The following NELL2 variants were observed in gnomAD, a reference collection of about 807,000 sequenced individuals.
The protein encoded by NELL2 is protein kinase C-binding protein NELL2.
A neutral mutation model predicts 109.6 loss-of-function variants in NELL2; 41 were observed. That is an observed-to-expected ratio of 0.37 (90% CI 0.29 to 0.49). The LOEUF (loss-of-function observed/expected upper bound fraction) is 0.49, where lower values mean the gene tolerates loss of function less well. NELL2 is among the 20% of genes least tolerant of loss of function. The probability of loss-of-function intolerance (pLI) is 0.98; values close to 1 mark genes in which losing one functional copy is unlikely to be tolerated. For synonymous variants in NELL2, 355 were observed against 344.7 expected, an observed-to-expected ratio of 1.03 and a Z score of -0.33; for missense variants, 900 against 1,008.3, an observed-to-expected ratio of 0.89 and a Z score of 1.45.
chr12:44,871,403 T>C (rs1450232801), intron 2 of NELL2, among the ~76,000 whole-genome samples: 3 of 152,192 alleles, frequency 2.0e-5, no homozygotes, highest in Admixed American at 2.0e-4. Flanking sequence ...AGTATGCTAG[T>C]TTCCCAAAAA....
chr12:44,632,626 C>T (rs1161282422), intron 13 of NELL2, among the ~76,000 whole-genome samples: 4 of 151,720 alleles, frequency 2.6e-5, no homozygotes, highest in Non-Finnish European at 5.9e-5. Flanking sequence ...CACCTCCCTT[C>T]GGAAGCCAAA....
intron 2 of NELL2, among the ~76,000 whole-genome samples, chr12:44,825,671 C>T (rs985874122): frequency 2.0e-5 from 3 of 148,040 alleles, no homozygotes; most frequent in Non-Finnish European, 3.0e-5. Flanking sequence ...GCTGGGATTA[C>T]AGGCATGAGC....
Position 44,818,725 on chromosome 12 carries a change from A to ATTTTTTTTTTTTTTT in NELL2, c.185-2590_185-2589insAAAAAAAAAAAAAAA, listed in dbSNP as rs1409987918. On this transcript the variant is annotated intron_variant, in intron 2 of 19. Transcript: ENST00000429094. Reference sequence around the variant, plus strand: ...CTGAGAGGCTATATTTTGTTCACTTATTTTTTTTTTTTTATTTTTTTTTTT... The same window carrying ATTTTTTTTTTTTTTT: ...CTGAGAGGCTATATTTTGTTCACTTATTTTTTTTTTTTTTTTTTTTTTTTTTTTATTTTTTTTTTT... 5.5e-5 allele frequency among the ~76,000 whole-genome samples: 4 copies of ATTTTTTTTTTTTTTT among 72,146 alleles called. 2 individuals are homozygous for ATTTTTTTTTTTTTTT. The highest frequency in any genetic ancestry group is 5.1e-5 in the Non-Finnish European group (2 of 39,390). 47.3% of individuals were successfully genotyped at this position (72,146 alleles called of 152,430 possible).
At chr12:44,875,737 G>T in intron 1 of NELL2, 78 bp downstream of exon 1, 6 of 1,609,752 alleles carry the variant, frequency 3.7e-6, no homozygotes, top group South Asian at 1.1e-5. Flanking sequence ...CGGGAAAAGC[G>T]AGGCTTCCCC....
At chr12:44,785,279 C>CA in intron 3 of NELL2, among the ~76,000 whole-genome samples, 1 of 152,268 alleles carries the variant, frequency 6.6e-6, no homozygotes, top group South Asian at 2.1e-4. Context: ...CTTCCATTCA[C>CA]AATTGCTACA....
chr12:44,738,095 T>C (rs1021389775), intron 9 of NELL2, among the ~76,000 whole-genome samples: 5 of 152,198 alleles, frequency 3.3e-5, no homozygotes, highest in Admixed American at 2.0e-4. Flanking sequence ...CTCTGCTCTA[T>C]GAACCCACAG....
chr12:44,726,051 T>C (rs984084542), intron 9 of NELL2, among the ~76,000 whole-genome samples: 17 of 152,046 alleles, frequency 1.1e-4, no homozygotes, highest in African/African-American at 4.1e-4. Flanking sequence ...CACTGAGAAA[T>C]ATTATTAAAA....
intron 2 of NELL2, among the ~76,000 whole-genome samples, chr12:44,819,758 G>A (rs1943478708): frequency 6.6e-6 from 1 of 152,146 alleles, no homozygotes; most frequent in African/African-American, 2.4e-5. Flanking sequence ...CTATGGGGAT[G>A]GGATGGCTTG....
At chr12:44,837,484 A>T (rs938278944) in intron 2 of NELL2, among the ~76,000 whole-genome samples, 2 of 152,154 alleles carry the variant, frequency 1.3e-5, no homozygotes, top group African/African-American at 4.8e-5. Flanking sequence ...ACTTGAGCCC[A>T]GGTAGTCTAC....
At chr12:44,681,769 G>A (rs370071741) in intron 12 of NELL2, among the ~76,000 whole-genome samples, 6 of 151,944 alleles carry the variant, frequency 3.9e-5, no homozygotes, top group Admixed American at 2.0e-4. Context: ...ATGGCTGCAT[G>A]GTATTCCATG....
chr12:44,660,475 T>C (rs909196475), intron 13 of NELL2, among the ~76,000 whole-genome samples: 1 of 152,206 alleles, frequency 6.6e-6, no homozygotes, highest in Non-Finnish European at 1.5e-5. Flanking sequence ...GGATGTTTAG[T>C]TGCATCCCTG....
chr12:44,687,147 G>T (rs113262601), intron 12 of NELL2, among the ~76,000 whole-genome samples: 1 of 152,304 alleles, frequency 6.6e-6, no homozygotes, highest in African/African-American at 2.4e-5. Flanking sequence ...CGCAGTATTC[G>T]GGTGGGAGTG....
At chr12:44,785,674 A>C (rs1255430089) in intron 3 of NELL2, among the ~76,000 whole-genome samples, 1 of 152,212 alleles carries the variant, frequency 6.6e-6, no homozygotes, top group Non-Finnish European at 1.5e-5. Flanking sequence ...CTGGTACCAA[A>C]ACAGATATAT....
At chr12:44,717,632 T>A (rs1938559325) in intron 9 of NELL2, among the ~76,000 whole-genome samples, 2 of 152,182 alleles carry the variant, frequency 1.3e-5, no homozygotes, top group East Asian at 1.9e-4. Context: ...GGGATCATCA[T>A]TACCCTAAGG....
In NELL2 at chr12:44,515,471, A is replaced by G. The variant is rs1186955526; in HGVS notation, c.2400+4534T>C. Reference sequence around the variant, plus strand: ...TTATAACAGGCAAAATGAATTTATTACAAAGAAATAAAATTAAGGTTGTCT... The same window carrying G: ...TTATAACAGGCAAAATGAATTTATTGCAAAGAAATAAAATTAAGGTTGTCT... On this transcript the variant is annotated intron_variant, in intron 19 of 19. Transcript: ENST00000429094. 2.6e-5 allele frequency among the ~76,000 whole-genome samples: 4 copies of G among 151,972 alleles called. No individual in the cohort carries two copies. In the East Asian group the frequency reaches 7.7e-4, roughly 29 times the overall value.
At chr12:44,566,630 C>A (rs1943670728) in intron 15 of NELL2, among the ~76,000 whole-genome samples, 2 of 151,778 alleles carry the variant, frequency 1.3e-5, no homozygotes, top group Non-Finnish European at 2.9e-5. Context: ...TGGGGGCTGA[C>A]CTGTAGCTGT....
chr12:44,692,319 A>G (rs1948925044), intron 12 of NELL2, among the ~76,000 whole-genome samples: 1 of 152,184 alleles, frequency 6.6e-6, no homozygotes, highest in Non-Finnish European at 1.5e-5. Context: ...ACGTTTTACT[A>G]AAGATTTAAA....
intron 1 of NELL2, among the ~76,000 whole-genome samples, chr12:44,919,900 A>C (rs1289595996): frequency 6.6e-6 from 1 of 152,238 alleles, no homozygotes; most frequent in Non-Finnish European, 1.5e-5. Flanking sequence ...CCAAAGGAAA[A>C]CATGCAAAAA....
chr12:44,580,384 T>C (rs1944278232), intron 15 of NELL2, among the ~76,000 whole-genome samples: 1 of 152,076 alleles, frequency 6.6e-6, no homozygotes, highest in South Asian at 2.1e-4. Context: ...CAGAAAAGCA[T>C]CACAGAAGTG....
Sources: gnomAD v4.1 joint callset for allele counts (sites outside exome capture counted in the v4.1 genomes callset) on GRCh38, gnomAD v4.1.1 for gene constraint, MANE v1.5 for transcripts, NCBI Gene and HGNC (gene_info 2026-07-23, HGNC 2026-07-21) for gene names.